Variants in RAPGEF4 observed in about 807,000 individuals in gnomAD.
RAPGEF4 encodes Rap guanine nucleotide exchange factor 4.
Under a neutral mutation model 147.9 loss-of-function variants are expected in RAPGEF4, and 66 were observed. The observed-to-expected ratio is 0.45, with a 90% CI of 0.37 to 0.55. The LOEUF is 0.55. Among genes scored for constraint, RAPGEF4 ranks in the 20% least tolerant of loss-of-function variants. The pLI is 0.00. For synonymous variants in RAPGEF4, 419 were observed against 442.7 expected (o/e 0.95, Z 0.67); for missense variants, 1,071 against 1,257.3 (o/e 0.85, Z 2.24).
chr2:172,965,344 C>T (rs1488221758), intron 8 of RAPGEF4: 2 of 593,672 alleles, frequency 3.4e-6, no homozygotes, highest in African/African-American at 1.8e-5. Flanking sequence ...ATTTAACCAG[C>T]CTTGCTTTAA....
intron 6 of RAPGEF4, among the ~76,000 whole-genome samples, chr2:172,946,625 G>C (rs1687703728): frequency 6.6e-6 from 1 of 152,144 alleles, no homozygotes; most frequent in Admixed American, 6.5e-5. Context: ...TCACTATCAA[G>C]CCCTGTTCAT....
intron 6 of RAPGEF4, among the ~76,000 whole-genome samples, chr2:172,931,172 T>TCGGGGG (rs112366465): frequency 1.6e-4 from 1 of 6,378 alleles, no homozygotes; most frequent in African/African-American, 3.1e-4. Flanking sequence ...CAGGCCGGGG[T>TCGGGGG]GGGGGGGGGG....
intron 25 of RAPGEF4, among the ~76,000 whole-genome samples, chr2:173,027,664 A>G (rs1696793202): frequency 6.6e-6 from 1 of 152,256 alleles, no homozygotes; most frequent in Non-Finnish European, 1.5e-5. Flanking sequence ...ATGCATGTAC[A>G]GCAGCACATC....
intron 6 of RAPGEF4, among the ~76,000 whole-genome samples, chr2:172,940,266 C>T (rs1687014526): frequency 6.6e-6 from 1 of 151,822 alleles, no homozygotes; most frequent in South Asian, 2.1e-4. Context: ...AGCATGAGTT[C>T]TCCACTTTTT....
In RAPGEF4 at chr2:172,743,593, A is replaced by T. The variant is rs571642794; in HGVS notation, c.65+7545A>T. ...TGTGGGGCAGACATTGTTTTCCTTC[A>T]CCTACCTCTGCTATAGAGGCTAGAA... On this transcript the variant is annotated intron_variant, in intron 1 of 30. Transcript: ENST00000397081. Among the ~76,000 whole-genome samples the T allele has an allele frequency of 4.6e-5, 7 of 152,216 alleles. No individual in the cohort carries two copies. The South Asian group carries it at 1.5e-3, about 32-fold the overall frequency.
intron 4 of RAPGEF4, among the ~76,000 whole-genome samples, chr2:172,853,230 A>C (rs541575920): frequency 5.5e-4 from 83 of 152,098 alleles, no homozygotes; most frequent in African/African-American, 2.0e-3. Flanking sequence ...TTTTCCATAA[A>C]TATTTGATAG....
At chr2:172,796,292 T>G (rs568928595) in intron 2 of RAPGEF4, among the ~76,000 whole-genome samples, 1 of 152,262 alleles carries the variant, frequency 6.6e-6, no homozygotes, top group South Asian at 2.1e-4. Context: ...TTTCTACCAT[T>G]AATATTTTGT....
chr2:172,761,070 T>C (rs1270157859), intron 1 of RAPGEF4, among the ~76,000 whole-genome samples: 1 of 150,618 alleles, frequency 6.6e-6, no homozygotes, highest in Non-Finnish European at 1.5e-5. Context: ...TCAGAATCCA[T>C]GGAGCCCAGA....
chr2:173,018,596 C>T, intron 21 of RAPGEF4, 60 bp from the exon 22 acceptor site: 2 of 1,522,930 alleles, frequency 1.3e-6, no homozygotes, highest in Non-Finnish European at 1.8e-6. Flanking sequence ...TTTTTCATAA[C>T]TATAGTTTTA....
intron 6 of RAPGEF4, among the ~76,000 whole-genome samples, chr2:172,934,815 A>G (rs1686380220): frequency 6.6e-6 from 1 of 152,062 alleles, no homozygotes; most frequent in African/African-American, 2.4e-5. Context: ...CTACAGAATT[A>G]TTAGGTTACT....
chr2:173,000,172 A>G (rs1187856094), intron 16 of RAPGEF4, among the ~76,000 whole-genome samples: 2 of 152,168 alleles, frequency 1.3e-5, no homozygotes, highest in Non-Finnish European at 2.9e-5. Context: ...GCTCAGTATA[A>G]CGGGACTGAA....
chr2:172,930,128 G>T (rs1685765141), intron 6 of RAPGEF4, among the ~76,000 whole-genome samples: 1 of 152,156 alleles, frequency 6.6e-6, no homozygotes, highest in Admixed American at 6.5e-5. Context: ...GTCTGGGTGG[G>T]TGCTACCCAG....
intron 4 of RAPGEF4, among the ~76,000 whole-genome samples, chr2:172,900,459 G>A (rs1232362605): frequency 6.6e-6 from 1 of 152,042 alleles, no homozygotes; most frequent in Non-Finnish European, 1.5e-5. Context: ...GGTGGGTCTC[G>A]AACTCCTGGC....
chr2:172,762,917 A>C (rs1696486268), intron 1 of RAPGEF4, among the ~76,000 whole-genome samples: 5 of 152,130 alleles, frequency 3.3e-5, no homozygotes, highest in Admixed American at 3.3e-4. Flanking sequence ...ATAATAATAA[A>C]CCTGTGTGAC....
At chr2:173,048,439 A>T in intron 29 of RAPGEF4, 161 bp from the exon 30 acceptor site, 1 of 1,417,578 alleles carries the variant, frequency 7.1e-7, no homozygotes, top group Non-Finnish European at 9.2e-7. Flanking sequence ...TGAAATAATT[A>T]AACAAGTTAT....
In RAPGEF4 at chr2:172,987,013, A is replaced by G. The variant is rs190891066; in HGVS notation, c.1151-1183A>G. Reference sequence around the variant, plus strand: ...CACTCAGCCTTTTTTCATATTTTCTAAAGAATTAAATTATACACGCTGGGT... The same window carrying G: ...CACTCAGCCTTTTTTCATATTTTCTGAAGAATTAAATTATACACGCTGGGT... On this transcript the variant is annotated intron_variant, in intron 12 of 30. Transcript: ENST00000397081. Among the ~76,000 whole-genome samples the G allele has an allele frequency of 2.0e-3, 298 of 152,208 alleles. 3 individuals carry two copies. Among genetic ancestry groups the G allele is most frequent in the Middle Eastern group, 0.01 (3 of 294 alleles).
intron 22 of RAPGEF4, among the ~76,000 whole-genome samples, chr2:173,020,090 A>AT (rs1324314005): frequency 6.6e-6 from 1 of 152,222 alleles, no homozygotes; most frequent in East Asian, 1.9e-4. Flanking sequence ...TAATTTTTTA[A>AT]TTTTTTTGAC....
chr2:172,925,233 C>T (rs1360804457), intron 6 of RAPGEF4, among the ~76,000 whole-genome samples: 1 of 152,200 alleles, frequency 6.6e-6, no homozygotes, highest in Non-Finnish European at 1.5e-5. Flanking sequence ...CCCGCCTCGG[C>T]CTTCCAAAGT....
In RAPGEF4 at chr2:172,817,850, T is replaced by C. The variant is rs1574935060; in HGVS notation, c.444+3425T>C. On this transcript the variant is annotated intron_variant, in intron 4 of 30. Transcript: ENST00000397081. The stretch of plus-strand genomic sequence containing the variant: ...ATGGAACCAACTCAAATGCCCATCA[T>C]TCAATGAGTGGATAAAGAAATTGTG... Among the ~76,000 whole-genome samples the C allele has an allele frequency of 2.1e-5, 3 of 146,118 alleles. No individual in the cohort carries two copies. In the East Asian group the frequency reaches 5.9e-4, roughly 29 times the overall value.
Sources: gnomAD v4.1 joint callset for allele counts (sites outside exome capture counted in the v4.1 genomes callset) on GRCh38, gnomAD v4.1.1 for gene constraint, MANE v1.5 for transcripts, NCBI Gene and HGNC (gene_info 2026-07-23, HGNC 2026-07-21) for gene names.